Variants in ZNF407 observed in about 807,000 individuals in gnomAD.
ZNF407 encodes the protein zinc finger protein 407.
Under a neutral mutation model 131.2 loss-of-function variants are expected in ZNF407, and 17 were observed. The ratio of observed to expected loss-of-function variants is 0.13; its 90% CI spans 0.09 to 0.19. The LOEUF (loss-of-function observed/expected upper bound fraction) is 0.19, where lower values mean the gene tolerates loss of function less well. Among genes scored for constraint, ZNF407 ranks in the 10% least tolerant of loss-of-function variants. The pLI is 1.00. For missense variants in ZNF407, 2,681 were observed against 2,830.6 expected (o/e 0.95, Z 1.20); for synonymous variants, 1,156 against 1,062.0 (o/e 1.09, Z -1.72).
chr18:74,925,764 C>G (rs1971905231), intron 8 of ZNF407, among the ~76,000 whole-genome samples: 1 of 152,228 alleles, frequency 6.6e-6, no homozygotes. Context: ...CCAATTATTA[C>G]TTCAACCTAA....
At chr18:74,868,580 C>T (rs898538809) in intron 4 of ZNF407, among the ~76,000 whole-genome samples, 6 of 152,180 alleles carry the variant, frequency 3.9e-5, no homozygotes, top group East Asian at 1.9e-4. Flanking sequence ...CTTGATTGCT[C>T]GTCCTATGTA....
At chr18:74,877,152 GGT>G (rs1460872130) in intron 4 of ZNF407, 43 bp from the exon 5 acceptor site, 1 of 1,582,948 alleles carries the variant, frequency 6.3e-7, no homozygotes, top group South Asian at 1.1e-5. Context: ...CTTCGGTGCT[GGT>G]GTGCGGGCCA....
chr18:74,780,421 T>G (rs1342164453), intron 3 of ZNF407, among the ~76,000 whole-genome samples: 1 of 152,222 alleles, frequency 6.6e-6, no homozygotes, highest in Non-Finnish European at 1.5e-5. Flanking sequence ...AATTCAGTGT[T>G]TAATGTTGAG....
chr18:74,815,293 A>G (rs1350390257), intron 4 of ZNF407, among the ~76,000 whole-genome samples: 3 of 151,986 alleles, frequency 2.0e-5, no homozygotes, highest in Non-Finnish European at 4.4e-5. Context: ...GAAAAGTTGG[A>G]TATTATTATC....
intron 4 of ZNF407, among the ~76,000 whole-genome samples, chr18:74,847,526 T>C (rs1297574214): frequency 6.6e-6 from 1 of 152,228 alleles, no homozygotes; most frequent in Admixed American, 6.5e-5. Context: ...GGTTCTCATC[T>C]TTTTAACTTT....
chr18:74,801,708 A>AC (rs1568222109), intron 4 of ZNF407, among the ~76,000 whole-genome samples: 1 of 152,184 alleles, frequency 6.6e-6, no homozygotes, highest in African/African-American at 2.4e-5. Context: ...TGTATGGTAT[A>AC]TAGAAGCCAG....
intron 3 of ZNF407, among the ~76,000 whole-genome samples, chr18:74,759,110 A>G (rs1242046538): frequency 6.6e-6 from 1 of 151,860 alleles, no homozygotes. Flanking sequence ...TGTTTTGCTG[A>G]TACAGAAATT....
chr18:74,836,639 T>TAG (rs1226325208), intron 4 of ZNF407, among the ~76,000 whole-genome samples: 1 of 152,190 alleles, frequency 6.6e-6, no homozygotes, highest in African/African-American at 2.4e-5. Flanking sequence ...ACAGATCTCT[T>TAG]TAGGTGTTTG....
chr18:74,907,661 A>G (rs57713969), intron 7 of ZNF407, among the ~76,000 whole-genome samples: 5,213 of 152,278 alleles, frequency 0.034, 305 homozygotes, highest in African/African-American at 0.12. Context: ...GTATGGATGC[A>G]CTGTACATTT....
chr18:74,610,796 C>T (rs1599127569), intron 1 of ZNF407, among the ~76,000 whole-genome samples: 3 of 152,204 alleles, frequency 2.0e-5, no homozygotes, highest in Admixed American at 1.3e-4. Context: ...TCAGGTGATC[C>T]GCCCACCTCA....
intron 4 of ZNF407, among the ~76,000 whole-genome samples, chr18:74,848,178 G>C (rs1004149549): frequency 6.6e-6 from 1 of 152,118 alleles, no homozygotes; most frequent in Non-Finnish European, 1.5e-5. Context: ...CATGTCTGAG[G>C]ACCATAAACT....
At chr18:74,746,057 G>T (rs1332266648) in intron 3 of ZNF407, among the ~76,000 whole-genome samples, 1 of 152,144 alleles carries the variant, frequency 6.6e-6, no homozygotes, top group African/African-American at 2.4e-5. Flanking sequence ...AGATGATAGA[G>T]CCTACCACAC....
chr18:74,600,343 T>C (rs1022899381), intron 1 of ZNF407, among the ~76,000 whole-genome samples: 1 of 152,210 alleles, frequency 6.6e-6, no homozygotes, highest in African/African-American at 2.4e-5. Context: ...CCTAGAATTT[T>C]GTTGCTGGTG....
At chr18:74,855,086 T>G (rs2145151795) in intron 4 of ZNF407, among the ~76,000 whole-genome samples, 1 of 152,324 alleles carries the variant, frequency 6.6e-6, no homozygotes, top group South Asian at 2.1e-4. Flanking sequence ...TAAATGGAAA[T>G]GACTTAATAA....
chr18:75,003,759 T>C (rs57044354), intron 8 of ZNF407, among the ~76,000 whole-genome samples: 110 of 152,340 alleles, frequency 7.2e-4, no homozygotes, highest in African/African-American at 2.4e-3. Flanking sequence ...CTGTGTTTTC[T>C]GTATTACACA....
At chr18:74,765,098 A>C (rs1042188068) in intron 3 of ZNF407, among the ~76,000 whole-genome samples, 1 of 152,116 alleles carries the variant, frequency 6.6e-6, no homozygotes, top group African/African-American at 2.4e-5. Flanking sequence ...ATTTTTATGT[A>C]AGGGACTTGA....
At chr18:74,653,163 T>C (rs1985302333) in intron 3 of ZNF407, among the ~76,000 whole-genome samples, 3 of 151,926 alleles carry the variant, frequency 2.0e-5, no homozygotes, top group Admixed American at 2.0e-4. Context: ...GGTAAGGAAA[T>C]TGATGTCATT....
At chr18:74,648,308 A>AGTTCGTGC (rs950616148) in intron 3 of ZNF407, among the ~76,000 whole-genome samples, 1 of 152,118 alleles carries the variant, frequency 6.6e-6, no homozygotes, top group Non-Finnish European at 1.5e-5. Flanking sequence ...GATGTGCACG[A>AGTTCGTGC]ACTACAGGGC....
At chr18:74,636,264 A>C (rs1984458382) in intron 2 of ZNF407, among the ~76,000 whole-genome samples, 2 of 152,152 alleles carry the variant, frequency 1.3e-5, no homozygotes, top group Non-Finnish European at 2.9e-5. Flanking sequence ...TGGAGGTAGC[A>C]CCTGATTTAG....
Sources: gnomAD v4.1 joint callset for allele counts (sites outside exome capture counted in the v4.1 genomes callset) on GRCh38, gnomAD v4.1.1 for gene constraint, MANE v1.5 for transcripts, NCBI Gene and HGNC (gene_info 2026-07-23, HGNC 2026-07-21) for gene names.